TRAK1: variants seen among roughly 807,000 people sequenced by gnomAD.
The protein encoded by TRAK1 is trafficking kinesin protein 1, also known as trafficking kinesin-binding protein 1.
TRAK1 carries 33 observed loss-of-function variants against 92.1 expected under a neutral mutation model. The ratio of observed to expected loss-of-function variants is 0.36; its 90% CI spans 0.27 to 0.48. The LOEUF (loss-of-function observed/expected upper bound fraction) is 0.48. Among genes scored for constraint, TRAK1 ranks in the 20% least tolerant of loss-of-function variants. The probability of loss-of-function intolerance (pLI) is 0.99; values close to 1 mark genes in which losing one functional copy is unlikely to be tolerated. For synonymous variants in TRAK1, 521 were observed against 517.3 expected (o/e 1.01, Z -0.10); for missense variants, 1,123 against 1,257.9 (o/e 0.89, Z 1.62).
chr3:42,069,470 T>G (rs1377287227), intron 1 of TRAK1, among the ~76,000 whole-genome samples: 3 of 152,186 alleles, frequency 2.0e-5, no homozygotes, highest in African/African-American at 7.2e-5. Flanking sequence ...CTGTTGGATG[T>G]ATTTCTCTGG....
At chr3:42,039,665 C>A (rs564050655) in intron 1 of TRAK1, among the ~76,000 whole-genome samples, 1 of 152,242 alleles carries the variant, frequency 6.6e-6, no homozygotes, top group Non-Finnish European at 1.5e-5. Context: ...TGCCAGCCAA[C>A]CACTTATTAT....
intron 2 of TRAK1, among the ~76,000 whole-genome samples, chr3:42,155,848 G>A (rs1024429676): frequency 1.3e-5 from 2 of 152,086 alleles, no homozygotes; most frequent in African/African-American, 4.8e-5. Context: ...GCCACTCTTT[G>A]GACAACACAG....
At chr3:42,189,644 T>C (rs556673256) in intron 6 of TRAK1, among the ~76,000 whole-genome samples, 1 of 152,184 alleles carries the variant, frequency 6.6e-6, no homozygotes, top group African/African-American at 2.4e-5. Flanking sequence ...TATTCTCCTG[T>C]CTTAGCCTCC....
At chr3:42,013,613 G>A (rs1217216946), upstream of TRAK1, among the ~76,000 whole-genome samples, 1 of 149,458 alleles carries the variant, frequency 6.7e-6, no homozygotes, top group Non-Finnish European at 1.5e-5. This position sits in a 1 kb window ranked among gnomAD's most constrained non-coding sequence, Gnocchi z 5.1. Flanking sequence ...GGGCGGTGAC[G>A]GCAGCGCGGA....
intron 14 of TRAK1, 22 bp from the exon 15 acceptor site, chr3:42,219,472 T>TA: frequency 6.2e-7 from 1 of 1,614,060 alleles, no homozygotes; most frequent in Non-Finnish European, 8.5e-7. Context: ...GCAAGGAATA[T>TA]GTTTTGTTCC....
At chr3:42,201,234 G>C (rs1269591301) in intron 12 of TRAK1, among the ~76,000 whole-genome samples, 180 bp downstream of exon 12, 1 of 152,186 alleles carries the variant, frequency 6.6e-6, no homozygotes, top group Non-Finnish European at 1.5e-5. Context: ...CGAGGCGGGA[G>C]GATTGCCTGA....
intron 1 of TRAK1, among the ~76,000 whole-genome samples, chr3:42,053,095 C>A (rs1288799521): frequency 6.6e-6 from 1 of 152,134 alleles, no homozygotes; most frequent in East Asian, 1.9e-4. Flanking sequence ...CTGTCTGATT[C>A]TTTCCTTCTG....
chr3:42,037,421 T>G (rs545919696), intron 1 of TRAK1, among the ~76,000 whole-genome samples: 2 of 152,188 alleles, frequency 1.3e-5, no homozygotes, highest in Non-Finnish European at 2.9e-5. Context: ...CCTGCAGATG[T>G]TCAGGACCTA....
In TRAK1 at chr3:42,201,023, A is replaced by G; in HGVS notation, c.1396A>G (p.Ile466Val). 30 of 1,614,172 alleles carry G rather than the reference A, an allele frequency of 1.9e-5. No individual in the cohort carries two copies. Among genetic ancestry groups the G allele is most frequent in the Non-Finnish European group, 2.5e-5 (29 of 1,180,022 alleles). The change falls in exon 12 of 16, where the codon ATC (isoleucine) becomes GTC (valine). Residue 466 changes from isoleucine (I) to valine (V), a missense_variant. By Grantham distance (29) the Ile-to-Val change is conservative. Transcript: ENST00000327628. ...NVVLDNKTNSIILETEAADLG... is the reference protein window; with the variant it reads ...NVVLDNKTNSVILETEAADLG... ...CGTCCTCGACAACAAGACCAACAGC[A>G]TCATTCTGGAAACAGAGGCAGCCGA...
At chr3:42,030,988 G>A (rs926756435) in intron 1 of TRAK1, among the ~76,000 whole-genome samples, 1 of 151,080 alleles carries the variant, frequency 6.6e-6, no homozygotes, top group Non-Finnish European at 1.5e-5. Context: ...ACGGAACAAT[G>A]TGCTCAGAGC....
At chr3:42,128,917 T>G (rs2149158659) in intron 2 of TRAK1, among the ~76,000 whole-genome samples, 1 of 152,370 alleles carries the variant, frequency 6.6e-6, no homozygotes, top group African/African-American at 2.4e-5. Flanking sequence ...AATTCTGTCT[T>G]ATTTATTTAG....
At chr3:42,219,318 G>A (rs1559405501) in intron 14 of TRAK1, 176 bp from the exon 15 acceptor site, 4 of 985,164 alleles carry the variant, frequency 4.1e-6, no homozygotes, top group Admixed American at 6.2e-5. Flanking sequence ...CAAAATTGTG[G>A]TTATTTTTGA....
chr3:42,223,380 C>A lies in TRAK1; in HGVS notation c.2505C>A (p.Asp835Glu). 1 of 1,614,222 alleles carries A rather than the reference C, an allele frequency of 6.2e-7. No homozygotes were observed. The highest frequency in any genetic ancestry group is 1.1e-5 in the South Asian group (1 of 91,090). ...KNVRSSESQT[D>E]VSVSNLNLVD... is the part of the protein sequence containing the mutation. ...TCCGCAGCAGCGAGAGCCAGACCGA[C>A]GTGTCCGTCTCCAACCTCAACCTCG... is the stretch of plus-strand genomic sequence containing the variant. The change falls in exon 16 of 16, where the codon GAC becomes GAA. Residue 835 changes from aspartate (D) to glutamate (E), a missense_variant. Asp to Glu is a conservative substitution (Grantham distance 45, BLOSUM62 2). This residue lies in a region of TRAK1 where 401 missense variants were observed against 438.9 expected (regional missense o/e 0.91). Coordinates refer to ENST00000327628, the MANE Select transcript of TRAK1 (RefSeq NM_001042646.3). The surrounding 1 kb of genome is among the most constrained non-coding windows in gnomAD (Gnocchi z 6.1).
intron 11 of TRAK1, among the ~76,000 whole-genome samples, chr3:42,200,258 A>G (rs1450251116): frequency 1.3e-5 from 2 of 152,242 alleles, no homozygotes; most frequent in African/African-American, 2.4e-5. Flanking sequence ...AAAAGGGAAC[A>G]AATGAGCATC....
At chr3:42,217,318 A>G in intron 14 of TRAK1, 1 of 985,168 alleles carries the variant, frequency 1.0e-6, no homozygotes, top group Non-Finnish European at 1.2e-6. Context: ...TCCTGGTGGT[A>G]TTTTGGAAGG....
intron 1 of TRAK1, among the ~76,000 whole-genome samples, chr3:42,043,318 C>T (rs1702621652): frequency 6.6e-6 from 1 of 151,828 alleles, no homozygotes; most frequent in South Asian, 2.1e-4. Flanking sequence ...GTCCAGCATT[C>T]CTCTCTTTCC....
Position 42,202,386 on chromosome 3 carries a change from G to T in TRAK1, c.1428-50G>T. 1 of 1,448,532 alleles carries T rather than the reference G, an allele frequency of 6.9e-7. No homozygotes were observed. Among genetic ancestry groups the T allele is most frequent in the Non-Finnish European group, 9.1e-7 (1 of 1,095,186 alleles). The allele number at this position is 1,448,532 out of a possible 1,614,324, so 89.7% of individuals were successfully genotyped here. ...TGCATTGAGCAGTCGGGCCTCTGTG[G>T]CCTTGGAGCCCTGCTGGCATTCCAC... On this transcript the variant is annotated intron_variant, in intron 12 of 15. Transcript: ENST00000327628. The surrounding 1 kb of genome is among the most constrained non-coding windows in gnomAD (Gnocchi z 6.1).
At chr3:42,221,680 G>T (rs781219279) in intron 15 of TRAK1, among the ~76,000 whole-genome samples, 1 of 152,150 alleles carries the variant, frequency 6.6e-6, no homozygotes, top group Non-Finnish European at 1.5e-5. Context: ...GGCAGCCCCA[G>T]CAAAATCCTG....
At chr3:42,193,656 A>G (rs1480715745) in intron 8 of TRAK1, among the ~76,000 whole-genome samples, 168 bp from the exon 9 acceptor site, 1 of 152,210 alleles carries the variant, frequency 6.6e-6, no homozygotes, top group African/African-American at 2.4e-5. Flanking sequence ...GAATGTGGAT[A>G]TAGGAAAGAC....
Sources: allele counts gnomAD v4.1 joint callset (sites outside exome capture counted in the v4.1 genomes callset), GRCh38; gene constraint gnomAD v4.1.1; regional missense constraint gnomAD v4.1.1; non-coding constraint Gnocchi (gnomAD v3.1); transcripts MANE v1.5; gene names NCBI Gene and HGNC (gene_info 2026-07-23, HGNC 2026-07-21).